RIMKLA: variants seen among roughly 807,000 people sequenced by gnomAD.
RIMKLA encodes the protein ribosomal modification protein rimK like family member A, also known as N-acetylaspartylglutamate synthase A.
Under a neutral mutation model 32.7 loss-of-function variants are expected in RIMKLA, and 14 were observed. The ratio of observed to expected loss-of-function variants is 0.43; its 90% CI spans 0.28 to 0.67. The LOEUF is 0.67. Among genes scored for constraint, RIMKLA ranks in the 30% least tolerant of loss-of-function variants. RIMKLA has a pLI of 0.18. For missense variants in RIMKLA, 410 were observed against 519.0 expected (o/e 0.79, Z 2.04); for synonymous variants, 176 against 204.1 (o/e 0.86, Z 1.18).
In RIMKLA at chr1:42,387,687, AT is replaced by A. The variant is rs947309553; in HGVS notation, c.163+6597del. On this transcript the variant is annotated intron_variant, in intron 1 of 4. Coordinates refer to ENST00000431473, the MANE Select transcript of RIMKLA (RefSeq NM_173642.4). Reference sequence around the variant, plus strand: ...CACGCTCATTATTATGATTTTATTCATTTTTTTAAATCCTGTCAACAGATAT... The same window carrying A: ...CACGCTCATTATTATGATTTTATTCATTTTTTAAATCCTGTCAACAGATAT... 7.6e-4 allele frequency among the ~76,000 whole-genome samples: 115 copies of A among 152,234 alleles called. 2 individuals are homozygous for A. The highest frequency in any genetic ancestry group is 3.4e-3 in the Middle Eastern group (1 of 294).
At chr1:42,388,984 T>A (rs1642974624) in intron 1 of RIMKLA, among the ~76,000 whole-genome samples, 1 of 152,156 alleles carries the variant, frequency 6.6e-6, no homozygotes, top group South Asian at 2.1e-4. Context: ...TGGGCTAGAA[T>A]GATTTCAAGG....
In RIMKLA at chr1:42,416,259, A is replaced by G. The variant is rs914490472; in HGVS notation, c.*1285A>G. 6.6e-6 allele frequency: 1 copy of G among 152,190 alleles called. No individual in the cohort carries two copies. The highest frequency in any genetic ancestry group is 2.4e-5 in the African/African-American group (1 of 41,428). 9.4% of individuals were successfully genotyped at this position (152,190 alleles called of 1,614,324 possible). A position where few individuals can be genotyped will look rare whatever the true frequency, so the allele number is the denominator to read the frequency against. ...CCACCTTTTTAACCAAATACACTAG[A>G]ACATATGCACTCAAGAGTTAGCATA... On this transcript the variant is annotated 3_prime_UTR_variant, in exon 5 of 5. Coordinates refer to ENST00000431473, the MANE Select transcript of RIMKLA (RefSeq NM_173642.4).
chr1:42,385,812 C>T (rs56966999), intron 1 of RIMKLA, among the ~76,000 whole-genome samples: 834 of 52,564 alleles, frequency 0.016, 77 homozygotes, highest in East Asian at 0.025. Context: ...TCTCTCTTTC[C>T]TTCCTTCCTT....
chr1:42,387,066 CAAATAAATAAAT>C (rs36109633), intron 1 of RIMKLA, among the ~76,000 whole-genome samples: 3 of 141,290 alleles, frequency 2.1e-5, no homozygotes, highest in Non-Finnish European at 4.6e-5. Context: ...GACTCCATCT[CAAATAAATAAAT>C]AAATAAATAA....
At chr1:42,404,851 C>CT (rs1480634329) in intron 3 of RIMKLA, among the ~76,000 whole-genome samples, 1 of 152,128 alleles carries the variant, frequency 6.6e-6, no homozygotes, top group Non-Finnish European at 1.5e-5. Flanking sequence ...CTCTTCTGTT[C>CT]TTTTTTTGAA....
intron 3 of RIMKLA, among the ~76,000 whole-genome samples, chr1:42,408,790 G>A (rs905392649): frequency 1.4e-4 from 21 of 152,172 alleles, no homozygotes; most frequent in African/African-American, 5.1e-4. Flanking sequence ...CAAAGCTTAG[G>A]AAAACCATCT....
chr1:42,385,153 T>C (rs1448759193), intron 1 of RIMKLA, among the ~76,000 whole-genome samples: 2 of 152,214 alleles, frequency 1.3e-5, no homozygotes, highest in Admixed American at 6.5e-5. Context: ...TGGTACATAG[T>C]AGGCCTTCCG....
intron 2 of RIMKLA, among the ~76,000 whole-genome samples, chr1:42,403,110 G>A (rs1452457819): frequency 6.6e-6 from 1 of 152,180 alleles, no homozygotes; most frequent in Non-Finnish European, 1.5e-5. Flanking sequence ...GCCCAAATAT[G>A]TGTCACAAAC....
rs191304809 is a variant in RIMKLA, at chr1:42,383,180, C to A, written c.163+2083C>A. 2.3e-4 allele frequency among the ~76,000 whole-genome samples: 35 copies of A among 152,212 alleles called. No homozygotes were observed. The East Asian group carries it at 5.2e-3, about 23-fold the overall frequency. ...GGATTACAGGCGTGAGCCACCGCGT[C>A]CGGCCTGTTCTTTTTAACTACAGGA... is the stretch of plus-strand genomic sequence containing the variant. On this transcript the variant is annotated intron_variant, in intron 1 of 4. Coordinates refer to ENST00000431473, the MANE Select transcript of RIMKLA (RefSeq NM_173642.4).
At chr1:42,394,122 A>G (rs1643022254) in intron 1 of RIMKLA, among the ~76,000 whole-genome samples, 1 of 152,204 alleles carries the variant, frequency 6.6e-6, no homozygotes, top group Admixed American at 6.5e-5. Context: ...CTTTCTGGTA[A>G]CTTTCAGAGT....
At chr1:42,403,957 C>T (rs967665997) in intron 2 of RIMKLA, among the ~76,000 whole-genome samples, 5 of 152,208 alleles carry the variant, frequency 3.3e-5, no homozygotes, top group African/African-American at 7.2e-5. Flanking sequence ...GGCTGTCCTC[C>T]GCTCCCTGCC....
intron 4 of RIMKLA, among the ~76,000 whole-genome samples, chr1:42,413,877 T>C (rs1643223098): frequency 6.8e-6 from 1 of 148,014 alleles, no homozygotes; most frequent in South Asian, 2.3e-4. Flanking sequence ...GAACTGCAGC[T>C]GGGGTGGGAG....
intron 1 of RIMKLA, among the ~76,000 whole-genome samples, chr1:42,385,848 T>TCTC (rs1557749953): frequency 6.0e-5 from 1 of 16,690 alleles, no homozygotes; most frequent in African/African-American, 1.6e-4. Flanking sequence ...TTCTTTCTCT[T>TCTC]TCTTTCTTTC....
At position 42,381,172 on chromosome 1, in the gene RIMKLA, C is replaced by T. The variant is rs1161174122; in HGVS notation, c.163+75C>T. The T allele has an allele frequency of 5.4e-6, 6 of 1,120,652 alleles. No individual in the cohort carries two copies. In the South Asian group the frequency reaches 2.3e-4, roughly 42 times the overall value. 69.4% of individuals were successfully genotyped at this position (1,120,652 alleles called of 1,614,324 possible). A position where few individuals can be genotyped will look rare whatever the true frequency, so the allele number is the denominator to read the frequency against. ...AGAGCCGGTCGGGTGGGCGCGCTCG[C>T]CGGGCCTCCCGCAGCAGAGTCTCCT... On this transcript the variant is annotated intron_variant, in intron 1 of 4. Transcript: ENST00000431473.
At position 42,418,036 on chromosome 1, in the gene RIMKLA, A is replaced by G. The variant is rs1643264589; in HGVS notation, c.*3062A>G. 1 of 152,134 alleles carries G rather than the reference A, an allele frequency of 6.6e-6. No individual in the cohort carries two copies. Among genetic ancestry groups the G allele is most frequent in the African/African-American group, 2.4e-5 (1 of 41,424 alleles). The allele number at this position is 152,134 out of a possible 1,614,324, so 9.4% of individuals were successfully genotyped here. A position where few individuals can be genotyped will look rare whatever the true frequency, so the allele number is the denominator to read the frequency against. On this transcript the variant is annotated 3_prime_UTR_variant, in exon 5 of 5. Transcript: ENST00000431473. The stretch of plus-strand genomic sequence containing the variant: ...GCAGCTTCTCAGAGGCCTCACTTCC[A>G]GCCAGGGAAACTTAAGACCTGAAAG...
intron 1 of RIMKLA, among the ~76,000 whole-genome samples, chr1:42,397,122 G>A (rs189836215): frequency 8.7e-4 from 133 of 152,230 alleles, no homozygotes; most frequent in African/African-American, 2.9e-3. Context: ...CATGATCAGC[G>A]GAAGTACAAA....
intron 1 of RIMKLA, among the ~76,000 whole-genome samples, chr1:42,381,847 A>C (rs753701343): frequency 6.6e-6 from 1 of 152,176 alleles, no homozygotes; most frequent in African/African-American, 2.4e-5. Flanking sequence ...TATCCTTAAT[A>C]CAGGCCTCTC....
rs1012187102 is a variant in RIMKLA, at chr1:42,410,556, A to G, written c.685+369A>G. Among the ~76,000 whole-genome samples, 8 of 152,232 alleles carry G rather than the reference A, an allele frequency of 5.3e-5. No homozygotes were observed. In the South Asian group the frequency reaches 1.4e-3, roughly 28 times the overall value. ...AGATTTGAAGCTGTTGCAACAGCTCAGGCAAAAAAAATAATAAGAGTCTAA... is the reference window on the plus strand; with the variant it reads ...AGATTTGAAGCTGTTGCAACAGCTCGGGCAAAAAAAATAATAAGAGTCTAA... On this transcript the variant is annotated intron_variant, in intron 4 of 4. Transcript: ENST00000431473.
chr1:42,399,296 G>T, intron 1 of RIMKLA, 108 bp from the exon 2 acceptor site: 1 of 802,174 alleles, frequency 1.2e-6, no homozygotes. Context: ...GGCCAATTTT[G>T]AGGCTCTGTT....
Sources: allele counts gnomAD v4.1 joint callset (sites outside exome capture counted in the v4.1 genomes callset), GRCh38; gene constraint gnomAD v4.1.1; transcripts MANE v1.5; gene names NCBI Gene and HGNC (gene_info 2026-07-23, HGNC 2026-07-21).